ANKRD31: variants seen among roughly 807,000 people sequenced by gnomAD.
ANKRD31 encodes ankyrin repeat domain 31.
A neutral mutation model predicts 186.0 loss-of-function variants in ANKRD31; 147 were observed. The observed-to-expected ratio is 0.79, with a 90% CI of 0.69 to 0.91. The LOEUF (loss-of-function observed/expected upper bound fraction) is 0.91, where lower values mean the gene tolerates loss of function less well. ANKRD31 is among the 40% of genes least tolerant of loss of function. The probability of loss-of-function intolerance (pLI) is 0.00; values close to 1 mark genes in which losing one functional copy is unlikely to be tolerated. For missense variants in ANKRD31, 1,986 were observed against 2,148.8 expected, an observed-to-expected ratio of 0.92 and a Z score of 1.50; for synonymous variants, 673 against 736.4, an observed-to-expected ratio of 0.91 and a Z score of 1.39.
intron 11 of ANKRD31, among the ~76,000 whole-genome samples, chr5:75,159,876 A>G (rs926390227): frequency 3.9e-5 from 6 of 152,254 alleles, no homozygotes; most frequent in Non-Finnish European, 7.4e-5. Context: ...AAGCAATGGC[A>G]TAAAACAATA....
chr5:75,133,432 G>GCATCAATTACA (rs1214589676), intron 17 of ANKRD31, among the ~76,000 whole-genome samples: 1 of 152,056 alleles, frequency 6.6e-6, no homozygotes, highest in Non-Finnish European at 1.5e-5. Context: ...TTACATAATG[G>GCATCAATTACA]TAAAGGGATC....
chr5:75,181,205 G>T (rs1427847355), intron 10 of ANKRD31, among the ~76,000 whole-genome samples: 1 of 152,178 alleles, frequency 6.6e-6, no homozygotes, highest in Non-Finnish European at 1.5e-5. Context: ...ACCCCAGTTA[G>T]AATGGTGATC....
intron 5 of ANKRD31, among the ~76,000 whole-genome samples, chr5:75,200,751 A>G (rs1336499024): frequency 6.6e-6 from 1 of 151,586 alleles, no homozygotes; most frequent in Non-Finnish European, 1.5e-5. Context: ...TGTCTCTACT[A>G]AAAATACAAA....
At chr5:75,131,008 C>T (rs151001968) in intron 17 of ANKRD31, among the ~76,000 whole-genome samples, 2,471 of 152,368 alleles carry the variant, frequency 0.016, 39 homozygotes, top group Non-Finnish European at 0.022. Context: ...AAAGAGAGAA[C>T]GGTGGTCCAT....
At chr5:75,221,408 C>T (rs1044937662) in intron 3 of ANKRD31, among the ~76,000 whole-genome samples, 3 of 152,144 alleles carry the variant, frequency 2.0e-5, no homozygotes, top group South Asian at 2.1e-4. Context: ...CATAAGACAA[C>T]GGAAGTGTCT....
intron 17 of ANKRD31, among the ~76,000 whole-genome samples, chr5:75,121,995 C>A (rs1394333150): frequency 6.6e-6 from 1 of 151,608 alleles, no homozygotes; most frequent in Non-Finnish European, 1.5e-5. Flanking sequence ...CCAAACCAAA[C>A]AAAACAAAAA....
intron 4 of ANKRD31, among the ~76,000 whole-genome samples, chr5:75,206,951 A>C (rs1351197358): frequency 6.6e-6 from 1 of 152,202 alleles, no homozygotes; most frequent in African/African-American, 2.4e-5. Flanking sequence ...GGCAAAGAAA[A>C]GGTAGGGAAT....
At chr5:75,163,507 C>G (rs1220327946) in intron 11 of ANKRD31, among the ~76,000 whole-genome samples, 1 of 152,146 alleles carries the variant, frequency 6.6e-6, no homozygotes, top group Non-Finnish European at 1.5e-5. Flanking sequence ...GTCTTTTTCT[C>G]TTAGGGTGAC....
rs112521958 is a variant in ANKRD31 at position 75,107,658 on chromosome 5, G to A, written c.4244-41C>T. The A allele has an allele frequency of 7.3e-5, 82 of 1,117,662 alleles. No homozygotes were observed. In the African/African-American group the frequency reaches 1.0e-3, roughly 14 times the overall value. The allele number at this position is 1,117,662 out of a possible 1,614,324, so 69.2% of individuals were successfully genotyped here. On this transcript the variant is annotated intron_variant, in intron 20 of 25. Transcript: ENST00000506364. ...TAAAAAGTTAGCTAACTGAGGGAGA[G>A]TGAATGTCAAATTTGGTCATACGAG...
chr5:75,076,737 C>A (rs1038119412), intron 25 of ANKRD31, among the ~76,000 whole-genome samples: 2 of 152,146 alleles, frequency 1.3e-5, no homozygotes, highest in African/African-American at 4.8e-5. Flanking sequence ...CTGATGCTAT[C>A]TAGGGGACAG....
At chr5:75,217,317 G>A (rs1580577808) in intron 3 of ANKRD31, among the ~76,000 whole-genome samples, 1 of 152,032 alleles carries the variant, frequency 6.6e-6, no homozygotes, top group African/African-American at 2.4e-5. Context: ...CTGTTGGTGT[G>A]GTGTTGAAGT....
In ANKRD31 at chr5:75,144,178, C is replaced by A; in HGVS notation, c.3425-7G>T. ...TTATTAGTTAATTCCTCATCTGAAA[C>A]AAACATTTTACAATATCAGTGTTGT... On this transcript the variant is annotated splice_region_variant and splice_polypyrimidine_tract_variant and intron_variant, in intron 14 of 25. Transcript: ENST00000506364. 2.5e-6 allele frequency: 1 copy of A among 396,832 alleles called. No homozygotes were observed. Among genetic ancestry groups the A allele is most frequent in the East Asian group, 3.6e-5 (1 of 27,886 alleles). 24.6% of individuals were successfully genotyped at this position (396,832 alleles called of 1,614,324 possible).
chr5:75,157,022 C>T (rs1378365528), intron 11 of ANKRD31, among the ~76,000 whole-genome samples: 2 of 152,120 alleles, frequency 1.3e-5, no homozygotes, highest in African/African-American at 4.8e-5. Context: ...GTAGACGTGG[C>T]TTTGGAACTG....
In ANKRD31 at chr5:75,146,646, G is replaced by A. The variant is rs1326827665; in HGVS notation, c.2765C>T (p.Thr922Ile). 1.5e-5 allele frequency: 23 copies of A among 1,535,870 alleles called. No homozygotes were observed. The highest frequency in any genetic ancestry group is 1.9e-5 in the Non-Finnish European group (22 of 1,146,186). Residue 922 changes from threonine (T) to isoleucine (I), a missense_variant, in exon 14 of 26, where the codon ACA (threonine) becomes ATA (isoleucine). By Grantham distance (89) the Thr-to-Ile change is moderately conservative (BLOSUM62 -1). Coordinates refer to ENST00000506364, the MANE Select transcript of ANKRD31 (RefSeq NM_001372053.1). Reference sequence around the variant, plus strand: ...AAAATTATAGTGTTTTTTGCCACCTGTAGAACACAACACCTTTTTAGATGT... The same window carrying A: ...AAAATTATAGTGTTTTTTGCCACCTATAGAACACAACACCTTTTTAGATGT... The part of the protein sequence containing the change: ...AITSKKVLCS[T>I]GGKKHYNFKE...
At chr5:75,118,325 C>T (rs1748464635) in intron 17 of ANKRD31, 28 bp from the exon 18 acceptor site, 4 of 1,386,166 alleles carry the variant, frequency 2.9e-6, no homozygotes, top group Non-Finnish European at 3.7e-6. Context: ...AAAGTTATCT[C>T]TACAGACACC....
chr5:75,087,322 C>T (rs1002583134), intron 23 of ANKRD31, among the ~76,000 whole-genome samples: 10 of 151,986 alleles, frequency 6.6e-5, no homozygotes, highest in African/African-American at 2.4e-4. Flanking sequence ...GCCTGGTCAA[C>T]ATGGTGAAAC....
At chr5:75,101,562 C>T (rs1236700008) in intron 22 of ANKRD31, among the ~76,000 whole-genome samples, 1 of 152,164 alleles carries the variant, frequency 6.6e-6, no homozygotes, top group Non-Finnish European at 1.5e-5. Flanking sequence ...CTTTCAGATA[C>T]ACCAATTAGA....
intron 15 of ANKRD31, among the ~76,000 whole-genome samples, chr5:75,143,357 G>A (rs1228273642): frequency 6.6e-6 from 1 of 152,100 alleles, no homozygotes; most frequent in Non-Finnish European, 1.5e-5. Context: ...GGCATGTTTT[G>A]GGGGGCCAGC....
chr5:75,235,514 G>T (rs927131759), intron 1 of ANKRD31, among the ~76,000 whole-genome samples: 1 of 151,980 alleles, frequency 6.6e-6, no homozygotes, highest in African/African-American at 2.4e-5. Context: ...TTTCAGCTTT[G>T]AACCATCCAG....
Sources: gnomAD v4.1 joint callset for allele counts (sites outside exome capture counted in the v4.1 genomes callset) on GRCh38, gnomAD v4.1.1 for gene constraint, MANE v1.5 for transcripts, NCBI Gene and HGNC (gene_info 2026-07-23, HGNC 2026-07-21) for gene names.